The following TFDP1 variants were observed in gnomAD, a reference collection of about 807,000 sequenced individuals.
The protein encoded by TFDP1 is transcription factor Dp-1, also known as DRTF1-polypeptide 1.
TFDP1 carries 6 observed loss-of-function variants against 48.0 expected under a neutral mutation model. The ratio of observed to expected loss-of-function variants is 0.13; its 90% CI spans 0.07 to 0.25. The LOEUF is 0.25. Ranked by LOEUF, TFDP1 falls within the 10% of genes least tolerant of loss-of-function variation. The pLI, the probability that TFDP1 is intolerant of heterozygous loss-of-function variation, is 1.00. For synonymous variants in TFDP1, 201 were observed against 211.6 expected, an observed-to-expected ratio of 0.95 and a Z score of 0.44; for missense variants, 335 against 543.0, an observed-to-expected ratio of 0.62 and a Z score of 3.81.
intron 11 of TFDP1, 142 bp from the exon 12 acceptor site, chr13:113,639,978 C>T (rs2049600377): frequency 1.6e-6 from 1 of 634,050 alleles, no homozygotes; most frequent in Admixed American, 2.9e-5. Context: ...AGTGCAGACA[C>T]TCAGCCTCCC....
At chr13:113,636,410 A>G (rs765491865) in intron 9 of TFDP1, 124 bp from the exon 10 acceptor site, 5 of 1,144,120 alleles carry the variant, frequency 4.4e-6, no homozygotes, top group Non-Finnish European at 6.3e-6. Context: ...GTGAGGAGAC[A>G]CTGATGACTG....
At position 113,607,297 on chromosome 13, in the gene TFDP1, G is replaced by A. The variant is rs959317140; in HGVS notation, c.13-3699G>A. Among the ~76,000 whole-genome samples, 1 of 152,234 alleles carries A rather than the reference G, an allele frequency of 6.6e-6. No homozygotes were observed. Among genetic ancestry groups the A allele is most frequent in the African/African-American group, 2.4e-5 (1 of 41,468 alleles). On this transcript the variant is annotated intron_variant, in intron 2 of 11. Transcript: ENST00000375370. The surrounding 1 kb of genome is among the most constrained non-coding windows in gnomAD (Gnocchi z 5.2). ...AGGAAAGGGGCCAGCCGTGAGCTGC[G>A]GGTGCTTGCCAGGGATCTGGTGACA...
At chr13:113,636,783 G>GTGTGAGGA in intron 10 of TFDP1, 83 bp downstream of exon 10, 2 of 1,487,116 alleles carry the variant, frequency 1.3e-6, no homozygotes, top group African/African-American at 3.0e-5. Flanking sequence ...CCCGGCTCGG[G>GTGTGAGGA]ATGTGTCTTG....
chr13:113,611,227 A>C (rs1472906255), intron 3 of TFDP1, among the ~76,000 whole-genome samples, 165 bp downstream of exon 3: 1 of 152,246 alleles, frequency 6.6e-6, no homozygotes, highest in Non-Finnish European at 1.5e-5. Flanking sequence ...GCCTTCTAGC[A>C]TTTAGAACAC....
chr13:113,619,611 C>G (rs559380072), intron 3 of TFDP1, among the ~76,000 whole-genome samples: 10 of 152,054 alleles, frequency 6.6e-5, no homozygotes, highest in Non-Finnish European at 1.5e-4. Flanking sequence ...CCTTGCTGCT[C>G]GCTGTGGTCG....
chr13:113,588,136 C>T (rs1341058445), intron 2 of TFDP1, among the ~76,000 whole-genome samples: 6 of 152,254 alleles, frequency 3.9e-5, no homozygotes, highest in South Asian at 2.1e-4. Context: ...AGGCGTGAGC[C>T]GCTGTGCCCA....
chr13:113,617,873 T>C (rs189990331), intron 3 of TFDP1, among the ~76,000 whole-genome samples: 1 of 152,242 alleles, frequency 6.6e-6, no homozygotes, highest in African/African-American at 2.4e-5. Context: ...ATTAATAGAA[T>C]AGGATTAGTA....
At position 113,636,517 on chromosome 13, in the gene TFDP1, G is replaced by C. The variant is rs1204301304; in HGVS notation, c.840-17G>C. The C allele has an allele frequency of 1.9e-6, 3 of 1,612,228 alleles. No individual in the cohort carries two copies. Among genetic ancestry groups the C allele is most frequent in the Non-Finnish European group, 2.5e-6 (3 of 1,179,660 alleles). On this transcript the variant is annotated splice_polypyrimidine_tract_variant and intron_variant, in intron 9 of 11. Transcript: ENST00000375370. ...GCTGGGAGACCCTGTCTTTCTGACTGTGCCTTTCCCCTTCAGATTTGAGTA... is the reference window on the plus strand; with the variant it reads ...GCTGGGAGACCCTGTCTTTCTGACTCTGCCTTTCCCCTTCAGATTTGAGTA...
chr13:113,588,406 CAA>C (rs4150690), intron 2 of TFDP1, among the ~76,000 whole-genome samples: 17 of 152,074 alleles, frequency 1.1e-4, no homozygotes, highest in African/African-American at 2.2e-4. Context: ...GGAGAGAACA[CAA>C]GAGAAAAACA....
At chr13:113,640,096 C>G in intron 11 of TFDP1, 24 bp from the exon 12 acceptor site, 1 of 1,561,394 alleles carries the variant, frequency 6.4e-7, no homozygotes, top group South Asian at 1.2e-5. Context: ...GCACTGACGG[C>G]GCCATCCGCC....
At chr13:113,628,643 C>T (rs1224155260) in intron 4 of TFDP1, among the ~76,000 whole-genome samples, 2 of 152,240 alleles carry the variant, frequency 1.3e-5, no homozygotes, top group East Asian at 3.8e-4. Flanking sequence ...GTGCTGTGAC[C>T]ACTTCTCCCT....
chr13:113,621,210 G>A (rs528149659), intron 3 of TFDP1, among the ~76,000 whole-genome samples: 1 of 152,222 alleles, frequency 6.6e-6, no homozygotes, highest in South Asian at 2.1e-4. Flanking sequence ...TCTGCGGATG[G>A]GCGGCCGTCC....
intron 7 of TFDP1, 61 bp downstream of exon 7, chr13:113,634,094 C>T (rs766972771): frequency 2.1e-5 from 34 of 1,610,514 alleles, no homozygotes; most frequent in Non-Finnish European, 2.8e-5. Context: ...ATGTTTTAGT[C>T]GTCGGTCACT....
chr13:113,619,622 G>A (rs1298243716), intron 3 of TFDP1, among the ~76,000 whole-genome samples: 2 of 152,096 alleles, frequency 1.3e-5, no homozygotes, highest in Non-Finnish European at 2.9e-5. Context: ...GCTGTGGTCG[G>A]GTGGCTGTGC....
At chr13:113,586,851 T>G (rs1430325572) in intron 2 of TFDP1, among the ~76,000 whole-genome samples, 1 of 152,194 alleles carries the variant, frequency 6.6e-6, no homozygotes, top group Non-Finnish European at 1.5e-5. Flanking sequence ...CAGTGTGAGT[T>G]TTTGAAGTCA....
At chr13:113,629,638 C>T (rs532818161) in intron 4 of TFDP1, among the ~76,000 whole-genome samples, 2 of 152,230 alleles carry the variant, frequency 1.3e-5, no homozygotes, top group South Asian at 2.1e-4. Context: ...GATCTGAGCA[C>T]GTGTAAGGTA....
At position 113,619,035 on chromosome 13, in the gene TFDP1, G is replaced by C. The variant is rs1467039985; in HGVS notation, c.80-4145G>C. 7.2e-5 allele frequency among the ~76,000 whole-genome samples: 11 copies of C among 152,330 alleles called. No individual in the cohort carries two copies. The South Asian group carries it at 2.3e-3, about 32-fold the overall frequency. ...AGGGCAGACTCGGGGGGAGGCTGAG[G>C]ATCCTGGGGACTGTAATTTTATTTC... On this transcript the variant is annotated intron_variant, in intron 3 of 11. Coordinates refer to ENST00000375370, the MANE Select transcript of TFDP1 (RefSeq NM_007111.5).
At chr13:113,590,914 T>C (rs1293920122) in intron 2 of TFDP1, among the ~76,000 whole-genome samples, 1 of 136,120 alleles carries the variant, frequency 7.3e-6, no homozygotes. Flanking sequence ...GGAGGCTGAG[T>C]TAGGAGAATG....
chr13:113,635,748 T>C (rs1262271702), intron 8 of TFDP1, among the ~76,000 whole-genome samples: 1 of 152,202 alleles, frequency 6.6e-6, no homozygotes, highest in East Asian at 1.9e-4. Context: ...AGGGCACGGA[T>C]GGCTGTGCGC....
Sources: allele counts gnomAD v4.1 joint callset (sites outside exome capture counted in the v4.1 genomes callset), GRCh38; gene constraint gnomAD v4.1.1; non-coding constraint Gnocchi (gnomAD v3.1); transcripts MANE v1.5; gene names NCBI Gene and HGNC (gene_info 2026-07-23, HGNC 2026-07-21).